The following BPIFB3 variants were observed in gnomAD, a reference collection of about 807,000 sequenced individuals.
The protein encoded by BPIFB3 is BPI fold containing family B member 3.
A neutral mutation model predicts 53.1 loss-of-function variants in BPIFB3; 49 were observed. That is an observed-to-expected ratio of 0.92 (90% CI 0.73 to 1.17). BPIFB3 has a LOEUF of 1.17. BPIFB3 is among the 50% of genes most tolerant of loss of function. The pLI is 0.00. For missense variants in BPIFB3, 628 were observed against 592.5 expected (o/e 1.06, Z -0.62); for synonymous variants, 271 against 269.6 (o/e 1.01, Z -0.05).
chr20:33,055,597 C>G, intron 1 of BPIFB3, 50 bp downstream of exon 2: 1 of 1,610,702 alleles, frequency 6.2e-7, no homozygotes, highest in Non-Finnish European at 8.5e-7. Context: ...ATGTCAACGA[C>G]TCAATCTATA....
chr20:33,066,011 G>A (rs1980657391), intron 8 of BPIFB3, among the ~76,000 whole-genome samples: 1 of 152,212 alleles, frequency 6.6e-6, no homozygotes, highest in Non-Finnish European at 1.5e-5. Context: ...TGTGTGTATA[G>A]GAGCATTGGG....
In BPIFB3 at chr20:33,063,633, A is replaced by G. The variant is rs770544816; in HGVS notation, c.610A>G (p.Ser204Gly). 18 of 1,613,950 alleles carry G rather than the reference A, an allele frequency of 1.1e-5. No individual in the cohort carries two copies. Among genetic ancestry groups the G allele is most frequent in the Admixed American group, 5.0e-5 (3 of 59,978 alleles). The change falls in exon 6 of 15, where the codon AGT becomes GGT. Residue 204 changes from serine to glycine, a missense_variant. By Grantham distance (56) the Ser-to-Gly change is moderately conservative (BLOSUM62 0). Coordinates refer to ENST00000375494, the Ensembl canonical transcript of BPIFB3. ...GACACAGCTGTGCCCCGTGGTGGAC[A>G]GTGTGCTGGGTGTGGTGAATGAGCT...
At chr20:33,056,077 A>G (rs1980191105) in intron 1 of BPIFB3, among the ~76,000 whole-genome samples, 1 of 152,068 alleles carries the variant, frequency 6.6e-6, no homozygotes, top group African/African-American at 2.4e-5. Flanking sequence ...TGCCCAGGAG[A>G]GAAGCAGAGA....
chr20:33,061,919 C>T, intron 5 of BPIFB3, 88 bp downstream of exon 6: 1 of 1,478,628 alleles, frequency 6.8e-7, no homozygotes, highest in Admixed American at 1.7e-5. Flanking sequence ...TGGCGCCAGG[C>T]AGGATTAGGC....
chr20:33,059,568 C>A, intron 3 of BPIFB3, 86 bp downstream of exon 4: 1 of 953,390 alleles, frequency 1.0e-6, no homozygotes, highest in Non-Finnish European at 1.6e-6. Context: ...TGTCCCCCCA[C>A]TCCCACCCCT....
At chr20:33,073,115 A>G (rs947086298) in intron 14 of BPIFB3, among the ~76,000 whole-genome samples, 3 of 152,256 alleles carry the variant, frequency 2.0e-5, no homozygotes, top group Non-Finnish European at 4.4e-5. Flanking sequence ...CTGGTCCAAC[A>G]GCAACAAATA....
chr20:33,059,433 T>C, exon 3 of BPIFB3: 1 of 1,613,028 alleles, frequency 6.2e-7, no homozygotes, highest in Non-Finnish European at 8.5e-7. Context: ...GCTGCCGGGA[T>C]TTGGGGTGCA....
At chr20:33,072,669 G>C in intron 13 of BPIFB3, 48 bp from the exon 15 acceptor site, 1 of 1,532,170 alleles carries the variant, frequency 6.5e-7, no homozygotes, top group Non-Finnish European at 9.0e-7. Flanking sequence ...TAGGGTCCAA[G>C]AGCTCCCCAC....
Position 33,059,499 on chromosome 20 carries a change from G to T in BPIFB3, c.386+17G>T. ...TTGCTCTGGGTGAGTGTGTCCTGGG[G>T]ACCTCTACCCTCCTGCTTCCTATCC... On this transcript the variant is annotated intron_variant, in intron 3 of 14. Transcript: ENST00000375494. 7 of 1,580,698 alleles carry T rather than the reference G, an allele frequency of 4.4e-6. No individual in the cohort carries two copies. Among genetic ancestry groups the T allele is most frequent in the South Asian group, 1.1e-5 (1 of 87,958 alleles).
At chr20:33,069,103 C>T in intron 10 of BPIFB3, 130 bp downstream of exon 11, 1 of 1,032,596 alleles carries the variant, frequency 9.7e-7, no homozygotes, top group South Asian at 1.8e-5. Flanking sequence ...CACAGGAAGC[C>T]CCCCGCCCCA....
At chr20:33,072,685 T>C in intron 13 of BPIFB3, 32 bp from the exon 15 acceptor site, 3 of 1,588,756 alleles carry the variant, frequency 1.9e-6, no homozygotes, top group Non-Finnish European at 2.6e-6. Context: ...CCCACCAATG[T>C]ACCTTTGTTT....
intron 12 of BPIFB3, 63 bp downstream of exon 13, chr20:33,071,358 G>A: frequency 6.5e-7 from 1 of 1,530,280 alleles, no homozygotes; most frequent in African/African-American, 1.4e-5. Context: ...GGCATGGAAA[G>A]GGGGTGGCCA....
intron 5 of BPIFB3, 29 bp downstream of exon 6, chr20:33,061,860 C>A: frequency 6.2e-7 from 1 of 1,612,252 alleles, no homozygotes; most frequent in Non-Finnish European, 8.5e-7. Context: ...TGCCAGCATG[C>A]CCTCTCCCAG....
At position 33,057,022 on chromosome 20, in the gene BPIFB3, T is replaced by A. The variant is rs554864920; in HGVS notation, c.281+324T>A. 4.6e-5 allele frequency among the ~76,000 whole-genome samples: 7 copies of A among 152,220 alleles called. No homozygotes were observed. The South Asian group carries it at 1.5e-3, about 32-fold the overall frequency. ...CCTCCAGGTGTCCGCTCAAAAGAGGTGTGGGCTGATTAGCCCTTTCTTATC... is the reference window on the plus strand; with the variant it reads ...CCTCCAGGTGTCCGCTCAAAAGAGGAGTGGGCTGATTAGCCCTTTCTTATC... On this transcript the variant is annotated intron_variant, in intron 2 of 14. Transcript: ENST00000375494.
upstream of BPIFB3, among the ~76,000 whole-genome samples, chr20:33,054,270 T>C (rs1980104225): frequency 1.3e-5 from 2 of 152,056 alleles, no homozygotes; most frequent in Admixed American, 6.5e-5. Flanking sequence ...GCTGAATTTC[T>C]ATCCCCTGCC....
At chr20:33,060,794 A>C (rs539954667) in intron 4 of BPIFB3, among the ~76,000 whole-genome samples, 1 of 152,212 alleles carries the variant, frequency 6.6e-6, no homozygotes, top group East Asian at 1.9e-4. Context: ...CGAACTCCTG[A>C]CCTCAAGTGA....
At chr20:33,072,721 C>T (rs767572911) in exon 14 of BPIFB3, 25 of 1,612,452 alleles carry the variant, frequency 1.6e-5, no homozygotes, top group Non-Finnish European at 2.0e-5. Flanking sequence ...TCACAGTGGC[C>T]CTGGATGTTG....
chr20:33,073,306 G>A (rs1980980416), intron 14 of BPIFB3, among the ~76,000 whole-genome samples: 1 of 152,180 alleles, frequency 6.6e-6, no homozygotes, highest in African/African-American at 2.4e-5. Flanking sequence ...TCTCAGATGA[G>A]GACCAAGGCT....
chr20:33,065,565 AAGAAAGAG>A (rs1211786101), intron 8 of BPIFB3, among the ~76,000 whole-genome samples: 1 of 151,064 alleles, frequency 6.6e-6, no homozygotes, highest in African/African-American at 2.4e-5. Context: ...AAGAAAAAGA[AAGAAAGAG>A]AGAGAAAAGA....
Sources: allele counts gnomAD v4.1 joint callset (sites outside exome capture counted in the v4.1 genomes callset), GRCh38; gene constraint gnomAD v4.1.1; transcripts MANE v1.5; gene names NCBI Gene and HGNC (gene_info 2026-07-23, HGNC 2026-07-21).